The following FREM2 variants were observed in gnomAD, a reference collection of about 807,000 sequenced individuals.
FREM2 encodes FRAS1 related extracellular matrix 2, also known as FRAS1-related extracellular matrix protein 2.
A neutral mutation model predicts 219.9 loss-of-function variants in FREM2; 119 were observed. The ratio of observed to expected loss-of-function variants is 0.54; its 90% confidence interval spans 0.47 to 0.63. FREM2 has a LOEUF of 0.63. Among genes scored for constraint, FREM2 ranks in the 30% least tolerant of loss-of-function variants. The probability of loss-of-function intolerance (pLI) is 0.00; values close to 1 mark genes in which losing one functional copy is unlikely to be tolerated. For synonymous variants in FREM2, 1,562 were observed against 1,522.8 expected (o/e 1.03, Z -0.60); for missense variants, 4,030 against 3,993.6 (o/e 1.01, Z -0.25).
At chr13:38,854,981 C>A (rs1877500932) in intron 11 of FREM2, among the ~76,000 whole-genome samples, 1 of 152,072 alleles carries the variant, frequency 6.6e-6, no homozygotes, top group South Asian at 2.1e-4. Flanking sequence ...TATATTTTCT[C>A]CTTTGAAACG....
chr13:38,848,736 T>C, intron 8 of FREM2, 66 bp downstream of exon 8: 1 of 1,315,570 alleles, frequency 7.6e-7, no homozygotes. Flanking sequence ...TTTATGTATA[T>C]ATGATAAGCA....
At position 38,840,368 on chromosome 13, in the gene FREM2, C is replaced by T. The variant is rs1035146119; in HGVS notation, c.6020-6205C>T. ...TCGCCTGCCTTCTGCGTTGGCCTTG[C>T]TGGGTGCTGCAGACCAGAGCTGTTC... On this transcript the variant is annotated intron_variant, in intron 6 of 23. Coordinates refer to ENST00000280481, the MANE Select transcript of FREM2 (RefSeq NM_207361.6). Among the ~76,000 whole-genome samples, 3 of 150,776 alleles carry T rather than the reference C, an allele frequency of 2.0e-5. 1 individual carries two copies. In the South Asian group the frequency reaches 6.3e-4, roughly 32 times the overall value.
At chr13:38,730,306 G>T (rs754139129) in intron 2 of FREM2, among the ~76,000 whole-genome samples, 5 of 152,130 alleles carry the variant, frequency 3.3e-5, no homozygotes, top group Non-Finnish European at 7.3e-5. Flanking sequence ...CTTTATAAAT[G>T]ATATTTCTTT....
intron 6 of FREM2, among the ~76,000 whole-genome samples, chr13:38,824,730 C>G (rs183537164): frequency 1.5e-3 from 228 of 152,016 alleles, no homozygotes; most frequent in African/African-American, 5.2e-3. Context: ...CACACAAAAC[C>G]TGAAAGGATA....
chr13:38,872,657 G>A, intron 16 of FREM2, 85 bp from the exon 17 acceptor site: 1 of 1,118,990 alleles, frequency 8.9e-7, no homozygotes, highest in South Asian at 1.3e-5. Flanking sequence ...CTTCAGTTAA[G>A]CGAAAAGAGA....
chr13:38,749,238 A>G (rs1000295675), intron 2 of FREM2, among the ~76,000 whole-genome samples: 2 of 152,160 alleles, frequency 1.3e-5, no homozygotes, highest in African/African-American at 4.8e-5. Flanking sequence ...CCTCACCTCT[A>G]ACTTCCGAAA....
chr13:38,852,440 C>T (rs1203050488), intron 11 of FREM2, among the ~76,000 whole-genome samples: 1 of 151,946 alleles, frequency 6.6e-6, no homozygotes, highest in Non-Finnish European at 1.5e-5. Flanking sequence ...TTAGTTTTAC[C>T]TTCATTGTAG....
Position 38,697,636 on chromosome 13 carries a change from C to T in FREM2, c.5174-62C>T. The T allele has an allele frequency of 3.1e-6, 3 of 956,966 alleles. No homozygotes were observed. In the South Asian group the frequency reaches 3.9e-5, roughly 13 times the overall value. The allele number at this position is 956,966 out of a possible 1,614,324, so 59.3% of individuals were successfully genotyped here. On this transcript the variant is annotated intron_variant, in intron 1 of 23. Coordinates refer to ENST00000280481, the MANE Select transcript of FREM2 (RefSeq NM_207361.6). ...GAAAACTAATAGCCAATAAAATTTA[C>T]CATAATGAATCATCAATTTTACTCT...
intron 4 of FREM2, among the ~76,000 whole-genome samples, chr13:38,772,716 G>A (rs1873714268): frequency 7.3e-6 from 1 of 137,346 alleles, no homozygotes; most frequent in South Asian, 2.3e-4. Context: ...TTTTTTTTTA[G>A]ACGGAGTTTC....
intron 2 of FREM2, among the ~76,000 whole-genome samples, chr13:38,709,171 T>C (rs1870660492): frequency 6.6e-6 from 1 of 152,232 alleles, no homozygotes; most frequent in Non-Finnish European, 1.5e-5. Flanking sequence ...CATGCCATGC[T>C]ACTTCATGCA....
Position 38,859,531 on chromosome 13 carries a change from C to A in FREM2, c.7460C>A (p.Thr2487Asn). The A allele has an allele frequency of 6.2e-7, 1 of 1,614,032 alleles. No individual in the cohort carries two copies. The highest frequency in any genetic ancestry group is 8.5e-7 in the Non-Finnish European group (1 of 1,179,994). Residue 2487 changes from threonine to asparagine, a missense_variant, in exon 14 of 24, where the codon ACC (threonine) becomes AAC (asparagine). Physicochemically the swap from Thr to Asn is moderately conservative, Grantham distance 65 (BLOSUM62 0). Coordinates refer to ENST00000280481, the MANE Select transcript of FREM2 (RefSeq NM_207361.6). ...RVQCAARAVN[T>N]NGDEGLELMS... ...CAGTGCGCAGCTCGTGCTGTGAACA[C>A]CAATGGGGATGAAGGCCTGGAGCTC... is the stretch of plus-strand genomic sequence containing the variant.
At chr13:38,792,674 G>A (rs1028261033) in intron 6 of FREM2, among the ~76,000 whole-genome samples, 6 of 152,070 alleles carry the variant, frequency 3.9e-5, no homozygotes, top group African/African-American at 9.7e-5. Context: ...CCACTTGGGC[G>A]TCTTAAAATG....
rs1471350415 is a variant in FREM2, at chr13:38,859,566, A to G, written c.7495A>G (p.Ile2499Val). The G allele has an allele frequency of 2.5e-6, 4 of 1,613,880 alleles. No individual in the cohort carries two copies. The highest frequency in any genetic ancestry group is 1.7e-5 in the Admixed American group (1 of 59,994). ...TGAAGGCCTGGAGCTCATGAGCCCT[A>G]TTGTAACCATCAGCAGAGAAGAAGG... ...GDEGLELMSP[I>V]VTISREEGLC... Residue 2499 changes from isoleucine to valine, a missense_variant, in exon 14 of 24, where the codon ATT becomes GTT. This residue lies in a region of FREM2 where 928 missense variants were observed against 1,042.9 expected (regional missense o/e 0.89). Coordinates refer to ENST00000280481, the MANE Select transcript of FREM2 (RefSeq NM_207361.6).
chr13:38,839,089 C>T (rs1048035018), intron 6 of FREM2, among the ~76,000 whole-genome samples: 6 of 152,126 alleles, frequency 3.9e-5, no homozygotes, highest in East Asian at 3.9e-4. Context: ...TCCTCATCTT[C>T]GTGGATTTAT....
In FREM2 at chr13:38,710,132, C is replaced by T. The variant is rs977346991; in HGVS notation, c.5263+12345C>T. 1.1e-3 allele frequency among the ~76,000 whole-genome samples: 167 copies of T among 151,520 alleles called. 1 individual carries two copies. Among genetic ancestry groups the T allele is most frequent in the Non-Finnish European group, 1.4e-3 (97 of 67,936 alleles). On this transcript the variant is annotated intron_variant, in intron 2 of 23. Coordinates refer to ENST00000280481, the MANE Select transcript of FREM2 (RefSeq NM_207361.6). Reference sequence around the variant, plus strand: ...CCAGGAGGCAGAAGTTGCAGTGAGCCGAGATTGCGCGACTGCACTCCAGCC... The same window carrying T: ...CCAGGAGGCAGAAGTTGCAGTGAGCTGAGATTGCGCGACTGCACTCCAGCC...
chr13:38,847,340 A>G, intron 7 of FREM2, among the ~76,000 whole-genome samples: 1 of 152,144 alleles, frequency 6.6e-6, no homozygotes, highest in African/African-American at 2.4e-5. Context: ...TCTCATGTAC[A>G]CACACATGAG....
At chr13:38,721,114 T>C (rs1871222685) in intron 2 of FREM2, among the ~76,000 whole-genome samples, 1 of 152,078 alleles carries the variant, frequency 6.6e-6, no homozygotes, top group African/African-American at 2.4e-5. Context: ...CAAGTTTACA[T>C]ATGTAACAAA....
At chr13:38,827,154 A>T (rs1876321912) in intron 6 of FREM2, among the ~76,000 whole-genome samples, 1 of 152,070 alleles carries the variant, frequency 6.6e-6, no homozygotes, top group Non-Finnish European at 1.5e-5. Flanking sequence ...TGAGTACCTT[A>T]TGTTTGAATC....
intron 2 of FREM2, among the ~76,000 whole-genome samples, chr13:38,729,488 A>G (rs954251420): frequency 2.4e-4 from 36 of 152,188 alleles, no homozygotes; most frequent in African/African-American, 8.4e-4. Context: ...TTATTTTCAT[A>G]ATTATCACTA....
Sources: allele counts gnomAD v4.1 joint callset (sites outside exome capture counted in the v4.1 genomes callset), GRCh38; gene constraint gnomAD v4.1.1; regional missense constraint gnomAD v4.1.1; transcripts MANE v1.5; gene names NCBI Gene and HGNC (gene_info 2026-07-23, HGNC 2026-07-21).